ESRRG: variants seen among roughly 807,000 people sequenced by gnomAD.
The protein encoded by ESRRG is estrogen related receptor gamma.
ESRRG carries 13 observed loss-of-function variants against 44.0 expected under a neutral mutation model. The ratio of observed to expected loss-of-function variants is 0.30; its 90% CI spans 0.19 to 0.47. The LOEUF is 0.47. Among genes scored for constraint, ESRRG ranks in the 20% least tolerant of loss-of-function variants. The pLI is 1.00. For synonymous variants in ESRRG, 215 were observed against 214.6 expected (o/e 1.00, Z -0.02); for missense variants, 395 against 580.6 (o/e 0.68, Z 3.29).
At chr1:216,702,949 A>T (rs916907823) in intron 1 of ESRRG, among the ~76,000 whole-genome samples, 1 of 152,180 alleles carries the variant, frequency 6.6e-6, no homozygotes, top group African/African-American at 2.4e-5. Context: ...GCTCAGGAGG[A>T]TTCTTGCCAG....
chr1:216,852,204 C>T (rs1034505983), intron 2 of ESRRG, among the ~76,000 whole-genome samples: 4 of 152,176 alleles, frequency 2.6e-5, no homozygotes, highest in African/African-American at 9.7e-5. Context: ...TTCATCATCA[C>T]CACCTTTAAA....
At chr1:216,904,510 A>T (rs1256867179) in intron 2 of ESRRG, among the ~76,000 whole-genome samples, 1 of 152,184 alleles carries the variant, frequency 6.6e-6, no homozygotes, top group Non-Finnish European at 1.5e-5. Flanking sequence ...TTTTCTCCCA[A>T]AGATACTATT....
rs112285849 is a variant in ESRRG at position 216,568,821 on chromosome 1, A to G, written c.590-723T>C. Among the ~76,000 whole-genome samples, 4 of 152,200 alleles carry G rather than the reference A, an allele frequency of 2.6e-5. No homozygotes were observed. In the East Asian group the frequency reaches 7.8e-4, roughly 30 times the overall value. On this transcript the variant is annotated intron_variant, in intron 3 of 6. Coordinates refer to ENST00000408911, the MANE Select transcript of ESRRG (RefSeq NM_001438.4). ...TATAATACCAGCACTTTGGGAGGCC[A>G]AGGCGGGCAGATCACCTGAGGTTGG...
intron 1 of ESRRG, among the ~76,000 whole-genome samples, chr1:217,096,802 G>A (rs942323696): frequency 1.1e-4 from 16 of 152,144 alleles, no homozygotes; most frequent in Admixed American, 2.6e-4. Context: ...TTGTGTAAAA[G>A]ATGTTTTAGT....
At chr1:217,053,133 T>TAAAAAAAAAAAAAAAAAAAAAAAAAAAA (rs71303007) in intron 1 of ESRRG, among the ~76,000 whole-genome samples, 1 of 119,054 alleles carries the variant, frequency 8.4e-6, no homozygotes. Context: ...AATCCCATCT[T>TAAAAAAAAAAAAAAAAAAAAAAAAAAAA]AAAAAAAAAA....
At chr1:216,920,490 T>C (rs1329377642) in intron 2 of ESRRG, among the ~76,000 whole-genome samples, 1 of 152,042 alleles carries the variant, frequency 6.6e-6, no homozygotes, top group Non-Finnish European at 1.5e-5. Context: ...TCACATTCAT[T>C]ATAAGAATTA....
At chr1:216,555,463 T>C (rs540456047) in intron 5 of ESRRG, among the ~76,000 whole-genome samples, 2 of 151,918 alleles carry the variant, frequency 1.3e-5, no homozygotes, top group African/African-American at 2.4e-5. Context: ...CCAGCTATTA[T>C]ATGCACAAAA....
intron 2 of ESRRG, among the ~76,000 whole-genome samples, chr1:216,832,954 G>A (rs1168214934): frequency 2.0e-5 from 3 of 148,700 alleles, no homozygotes; most frequent in Non-Finnish European, 3.0e-5. Context: ...CAGCCTGGGC[G>A]ACAGAGTGGG....
intron 2 of ESRRG, among the ~76,000 whole-genome samples, chr1:216,836,082 T>C (rs1251858720): frequency 7.2e-6 from 1 of 139,772 alleles, no homozygotes; most frequent in African/African-American, 2.8e-5. Flanking sequence ...ACACAGCCGA[T>C]GCTGCGATTT....
intron 5 of ESRRG, among the ~76,000 whole-genome samples, chr1:216,527,928 C>T (rs1001403440): frequency 6.6e-6 from 1 of 152,100 alleles, no homozygotes; most frequent in Non-Finnish European, 1.5e-5. Flanking sequence ...CAGTGGTTTG[C>T]TGTGTTCTAG....
At chr1:216,564,975 C>A (rs1242461505) in intron 4 of ESRRG, among the ~76,000 whole-genome samples, 1 of 152,074 alleles carries the variant, frequency 6.6e-6, no homozygotes, top group African/African-American at 2.4e-5. Context: ...TCTCCCCCTC[C>A]CCACACACCC....
intron 1 of ESRRG, among the ~76,000 whole-genome samples, chr1:216,720,031 T>C (rs2085865813): frequency 6.6e-6 from 1 of 152,092 alleles, no homozygotes. Flanking sequence ...GGGGTACCCA[T>C]CATTTATCCA....
chr1:216,994,238 C>T (rs1006435894), intron 1 of ESRRG, among the ~76,000 whole-genome samples: 2 of 151,992 alleles, frequency 1.3e-5, no homozygotes, highest in Non-Finnish European at 2.9e-5. Flanking sequence ...AGACATTAAG[C>T]AGCGAAAAAA....
intron 2 of ESRRG, among the ~76,000 whole-genome samples, chr1:216,754,829 G>A (rs529181570): frequency 1.3e-5 from 2 of 150,992 alleles, no homozygotes; most frequent in South Asian, 2.1e-4. Context: ...ACTCTCAAAC[G>A]TTCCTTTTCT....
chr1:216,817,059 TAA>T (rs11389958), intron 2 of ESRRG, among the ~76,000 whole-genome samples: 8 of 137,634 alleles, frequency 5.8e-5, no homozygotes, highest in Middle Eastern at 7.5e-3. Flanking sequence ...AAGAAAATGA[TAA>T]AAAAAAAAAA....
chr1:216,939,565 T>C (rs1371591048), intron 2 of ESRRG: 3 of 152,014 alleles, frequency 2.0e-5, no homozygotes, highest in Non-Finnish European at 2.9e-5. Flanking sequence ...CTCCTAATCT[T>C]GTAGGGAGCA....
intron 3 of ESRRG, among the ~76,000 whole-genome samples, chr1:216,588,547 C>T (rs1249205251): frequency 1.3e-5 from 2 of 152,212 alleles, no homozygotes; most frequent in South Asian, 4.1e-4. Flanking sequence ...TACACCCAAG[C>T]GATTCGTTAA....
At chr1:216,776,362 G>A (rs555763175) in intron 2 of ESRRG, among the ~76,000 whole-genome samples, 21 of 151,900 alleles carry the variant, frequency 1.4e-4, no homozygotes, top group Middle Eastern at 3.4e-3. Flanking sequence ...ACTTTTCCTC[G>A]CCTCAAAGGC....
At chr1:216,837,135 C>G (rs1216582913) in intron 2 of ESRRG, among the ~76,000 whole-genome samples, 1 of 151,644 alleles carries the variant, frequency 6.6e-6, no homozygotes, top group African/African-American at 2.4e-5. Flanking sequence ...TTAGGCCGGG[C>G]AAGGTGGCTC....
Sources: gnomAD v4.1 joint callset for allele counts (sites outside exome capture counted in the v4.1 genomes callset) on GRCh38, gnomAD v4.1.1 for gene constraint, MANE v1.5 for transcripts, NCBI Gene and HGNC (gene_info 2026-07-23, HGNC 2026-07-21) for gene names.